Variants in FGF12 observed in about 807,000 individuals in gnomAD.
The protein encoded by FGF12 is fibroblast growth factor 12B.
FGF12 carries 14 observed loss-of-function variants against 23.6 expected under a neutral mutation model. The observed-to-expected ratio is 0.59, with a 90% CI of 0.39 to 0.93. The LOEUF is 0.93. Among genes scored for constraint, FGF12 ranks in the 40% least tolerant of loss-of-function variants. The pLI, the probability that FGF12 is intolerant of heterozygous loss-of-function variation, is 0.00. For missense variants in FGF12, 175 were observed against 217.8 expected (o/e 0.80, Z 1.24); for synonymous variants, 62 against 77.3 (o/e 0.80, Z 1.04).
chr3:192,636,924 A>G (rs1451633601), intron 2 of FGF12, among the ~76,000 whole-genome samples: 1 of 152,182 alleles, frequency 6.6e-6, no homozygotes, highest in African/African-American at 2.4e-5. Context: ...GAGAGTGTTA[A>G]CTACTGATTA....
chr3:192,206,878 G>T (rs775730669), intron 4 of FGF12, among the ~76,000 whole-genome samples: 71 of 152,218 alleles, frequency 4.7e-4, no homozygotes, highest in African/African-American at 1.4e-3. Context: ...CCTGGAAGCT[G>T]CCCCTGAAGC....
At chr3:192,555,104 A>G (rs530993703) in intron 2 of FGF12, among the ~76,000 whole-genome samples, 25 of 152,254 alleles carry the variant, frequency 1.6e-4, no homozygotes, top group African/African-American at 5.8e-4. Flanking sequence ...AGAGAAAGGG[A>G]AGGAAAGATT....
intron 5 of FGF12, among the ~76,000 whole-genome samples, chr3:192,155,690 A>G (rs1714375022): frequency 6.6e-6 from 1 of 152,236 alleles, no homozygotes; most frequent in Non-Finnish European, 1.5e-5. Context: ...ATGATCTTAT[A>G]TAAATATCAG....
At chr3:192,185,575 T>A (rs893687281) in intron 4 of FGF12, among the ~76,000 whole-genome samples, 1 of 152,022 alleles carries the variant, frequency 6.6e-6, no homozygotes, top group Non-Finnish European at 1.5e-5. Context: ...AAGTTATAGC[T>A]AATAGGCCAG....
chr3:192,440,630 A>C (rs917762577), intron 2 of FGF12, among the ~76,000 whole-genome samples: 1 of 152,216 alleles, frequency 6.6e-6, no homozygotes, highest in African/African-American at 2.4e-5. Flanking sequence ...CAAGGATATC[A>C]GGCGACATCT....
intron 2 of FGF12, among the ~76,000 whole-genome samples, chr3:192,686,041 G>A (rs1018542601): frequency 3.9e-5 from 6 of 152,326 alleles, no homozygotes; most frequent in Non-Finnish European, 7.3e-5. Context: ...GAATGGAGAA[G>A]GAAGGAGCTA....
At chr3:192,477,124 G>C (rs1276917079) in intron 2 of FGF12, among the ~76,000 whole-genome samples, 3 of 152,138 alleles carry the variant, frequency 2.0e-5, no homozygotes, top group African/African-American at 7.2e-5. Flanking sequence ...CAAATCCAGG[G>C]GAGAAAGCTG....
intron 2 of FGF12, among the ~76,000 whole-genome samples, chr3:192,632,450 C>T (rs1441986438): frequency 3.3e-5 from 5 of 152,198 alleles, no homozygotes; most frequent in African/African-American, 1.2e-4. Flanking sequence ...ATTTTGTTGA[C>T]ATCAAGCTTC....
chr3:192,458,818 C>T (rs564289120), intron 2 of FGF12, among the ~76,000 whole-genome samples: 179 of 152,240 alleles, frequency 1.2e-3, no homozygotes, highest in Non-Finnish European at 2.1e-3. Context: ...GATATGGTTT[C>T]GCTGTGTCCC....
chr3:192,431,043 C>A (rs1244386465), intron 2 of FGF12, among the ~76,000 whole-genome samples: 2 of 152,088 alleles, frequency 1.3e-5, no homozygotes, highest in African/African-American at 4.8e-5. Context: ...CTCCAAGCAC[C>A]AGATATTATT....
intron 2 of FGF12, among the ~76,000 whole-genome samples, chr3:192,399,924 T>C (rs1057179493): frequency 3.3e-5 from 5 of 152,216 alleles, no homozygotes; most frequent in African/African-American, 1.2e-4. Context: ...TCCCTCCCTA[T>C]GTTCAGGGTG....
At chr3:192,520,367 C>T (rs1420482708) in intron 2 of FGF12, among the ~76,000 whole-genome samples, 1 of 152,068 alleles carries the variant, frequency 6.6e-6, no homozygotes, top group Non-Finnish European at 1.5e-5. Flanking sequence ...ATAATATATT[C>T]ACTTATTTAT....
intron 2 of FGF12, among the ~76,000 whole-genome samples, chr3:192,581,474 A>ATGTG (rs889932633): frequency 8.2e-6 from 1 of 121,586 alleles, no homozygotes; most frequent in African/African-American, 3.3e-5. Flanking sequence ...ATGTATATAT[A>ATGTG]TGTGTGTGTG....
chr3:192,468,460 C>G (rs1723070852), intron 2 of FGF12, among the ~76,000 whole-genome samples: 1 of 152,206 alleles, frequency 6.6e-6, no homozygotes, highest in African/African-American at 2.4e-5. Flanking sequence ...AATCTTGACA[C>G]TTCTGCAGTA....
chr3:192,317,066 T>G (rs1056879802), intron 4 of FGF12, among the ~76,000 whole-genome samples: 1 of 152,046 alleles, frequency 6.6e-6, no homozygotes, highest in Non-Finnish European at 1.5e-5. Context: ...AAAGAGCCCT[T>G]GGATTGTGAA....
At chr3:192,602,977 A>AT (rs1405046796) in intron 2 of FGF12, among the ~76,000 whole-genome samples, 1 of 152,152 alleles carries the variant, frequency 6.6e-6, no homozygotes, top group Admixed American at 6.6e-5. Flanking sequence ...TTTCAATAAA[A>AT]TTTAACATCC....
intron 3 of FGF12, among the ~76,000 whole-genome samples, chr3:192,347,933 A>C (rs1384145564): frequency 6.6e-6 from 1 of 152,154 alleles, no homozygotes; most frequent in Non-Finnish European, 1.5e-5. Context: ...CTCTGGTTTC[A>C]AAGTGTTAAA....
rs530877972 is a variant in FGF12, at chr3:192,298,021, C to T, written c.228+37340G>A. 1.9e-4 allele frequency among the ~76,000 whole-genome samples: 29 copies of T among 152,272 alleles called. No homozygotes were observed. The East Asian group carries it at 2.1e-3, about 11-fold the overall frequency. ...TTGTAACCGCTATTACAATATTAGA[C>T]CATTAGCGCTGTGGTGGCAAGCACA... On this transcript the variant is annotated intron_variant, in intron 4 of 5. Transcript: ENST00000445105.
At position 192,187,423 on chromosome 3, in the gene FGF12, G is replaced by A. The variant is rs79555696; in HGVS notation, c.229-16767C>T. ...AACAGCTATAAATGAGCCAGTCCAG[G>A]TAGAAAGAGAAGGTTAATGTGAAGT... On this transcript the variant is annotated intron_variant, in intron 4 of 5. Transcript: ENST00000445105. Among the ~76,000 whole-genome samples the A allele has an allele frequency of 3.3e-3, 501 of 152,250 alleles. 8 individuals carry two copies. Among genetic ancestry groups the A allele is most frequent in the East Asian group, 0.031 (161 of 5,186 alleles).
Sources: gnomAD v4.1 joint callset for allele counts (sites outside exome capture counted in the v4.1 genomes callset) on GRCh38, gnomAD v4.1.1 for gene constraint, MANE v1.5 for transcripts, NCBI Gene and HGNC (gene_info 2026-07-23, HGNC 2026-07-21) for gene names.